Variants in MAPK9 observed in about 807,000 individuals in gnomAD.
MAPK9 encodes the protein mitogen-activated protein kinase 9, also known as Jun kinase.
A neutral mutation model predicts 57.1 loss-of-function variants in MAPK9; 30 were observed. That is an observed-to-expected ratio of 0.53 (90% CI 0.39 to 0.71). The LOEUF (loss-of-function observed/expected upper bound fraction) is 0.71. Among genes scored for constraint, MAPK9 ranks in the 30% least tolerant of loss-of-function variants. The pLI, the probability that MAPK9 is intolerant of heterozygous loss-of-function variation, is 0.00. For missense variants in MAPK9, 362 were observed against 521.0 expected (o/e 0.69, Z 2.97); for synonymous variants, 155 against 177.0 (o/e 0.88, Z 0.99).
intron 5 of MAPK9, among the ~76,000 whole-genome samples, chr5:180,257,433 C>T (rs6886915): frequency 0.49 from 74,071 of 152,158 alleles, 18,727 homozygotes; most frequent in East Asian, 0.74. Context: ...TGACCTCTTG[C>T]TGTTGGAACA....
chr5:180,239,951 T>C lies in MAPK9; in HGVS notation c.1033A>G (p.Arg345Gly). 6.2e-7 allele frequency: 1 copy of C among 1,613,788 alleles called. No homozygotes were observed. The highest frequency in any genetic ancestry group is 8.5e-7 in the Non-Finnish European group (1 of 1,179,904). The change falls in exon 10 of 12, where the codon AGA becomes GGA. Residue 345 changes from arginine to glycine, a missense_variant. Coordinates refer to ENST00000452135, the MANE Select transcript of MAPK9 (RefSeq NM_002752.5). ...PQIYDAQLEE[R>G]EHAIEEWKEL... ...TTCCATTCTTCAATTGCATGTTCTCTTTCTTCCAACTGGGCATCATAAATT... is the reference window on the plus strand; with the variant it reads ...TTCCATTCTTCAATTGCATGTTCTCCTTCTTCCAACTGGGCATCATAAATT...
At position 180,247,351 on chromosome 5, in the gene MAPK9, G is replaced by T; in HGVS notation, c.688+88C>A. On this transcript the variant is annotated intron_variant, in intron 7 of 11. Coordinates refer to ENST00000452135, the MANE Select transcript of MAPK9 (RefSeq NM_002752.5). This position sits in a 1 kb window ranked among gnomAD's most constrained non-coding sequence, Gnocchi z 4.5. ...AGTCTGGAGTGGATTTTACGACTTT[G>T]TCCTCGTGAGCGCTCGTGTAAGCAG... is the stretch of plus-strand genomic sequence containing the variant. 1 of 1,502,672 alleles carries T rather than the reference G, an allele frequency of 6.7e-7. No homozygotes were observed. Among genetic ancestry groups the T allele is most frequent in the Non-Finnish European group, 9.3e-7 (1 of 1,080,084 alleles). The allele number at this position is 1,502,672 out of a possible 1,614,324, so 93.1% of individuals were successfully genotyped here. A position where few individuals can be genotyped will look rare whatever the true frequency, so the allele number is the denominator to read the frequency against.
Position 180,262,028 on chromosome 5 carries a change from C to A in MAPK9, c.312-206G>T, listed in dbSNP as rs566064245. ...ACAAGTTAAAAATTAAAAAAAAAAACAACAACCTTTTATAGCATGGTAAAT... is the reference window on the plus strand; with the variant it reads ...ACAAGTTAAAAATTAAAAAAAAAAAAAACAACCTTTTATAGCATGGTAAAT... On this transcript the variant is annotated intron_variant, in intron 4 of 11. Coordinates refer to ENST00000452135, the MANE Select transcript of MAPK9 (RefSeq NM_002752.5). Among the ~76,000 whole-genome samples the A allele has an allele frequency of 2.2e-3, 333 of 150,492 alleles. 1 individual carries two copies. The highest frequency in any genetic ancestry group is 7.5e-3 in the African/African-American group (305 of 40,888).
At position 180,247,134 on chromosome 5, in the gene MAPK9, T is replaced by C. The variant is rs2127581013; in HGVS notation, c.688+305A>G. ...TTTTCATTTAAATATCAGAATATAC[T>C]TATCAAAGAGTAAATAATTTCTTCT... On this transcript the variant is annotated intron_variant, in intron 7 of 11. Transcript: ENST00000452135. This position sits in a 1 kb window ranked among gnomAD's most constrained non-coding sequence, Gnocchi z 4.5. 4.5e-6 allele frequency: 2 copies of C among 447,908 alleles called. No individual in the cohort carries two copies. Among genetic ancestry groups the C allele is most frequent in the East Asian group, 7.9e-5 (2 of 25,306 alleles). The allele number at this position is 447,908 out of a possible 1,614,324, so 27.7% of individuals were successfully genotyped here. A position where few individuals can be genotyped will look rare whatever the true frequency, so the allele number is the denominator to read the frequency against.
intron 1 of MAPK9, among the ~76,000 whole-genome samples, chr5:180,282,813 C>T (rs564852699): frequency 3.9e-5 from 6 of 152,314 alleles, no homozygotes; most frequent in Admixed American, 2.0e-4. Context: ...CCAGGACACT[C>T]GCCTGCCCTC....
At chr5:180,239,284 G>GCTGAGGCCAGTGAGCATTGA (rs992345680) in intron 10 of MAPK9, among the ~76,000 whole-genome samples, 1 of 152,182 alleles carries the variant, frequency 6.6e-6, no homozygotes, top group African/African-American at 2.4e-5. Flanking sequence ...GCAAGCATTC[G>GCTGAGGCCAGTGAGCATTGA]CTGAGGCCAG....
In MAPK9 at chr5:180,244,627, A is replaced by T. The variant is rs965321100; in HGVS notation, c.689-1872T>A. Among the ~76,000 whole-genome samples the T allele has an allele frequency of 8.6e-4, 131 of 152,116 alleles. 1 individual carries two copies. Among genetic ancestry groups the T allele is most frequent in the Non-Finnish European group, 9.3e-4 (63 of 67,968 alleles). On this transcript the variant is annotated intron_variant, in intron 7 of 11. Coordinates refer to ENST00000452135, the MANE Select transcript of MAPK9 (RefSeq NM_002752.5). ...TGGCCCTACTAAAAATACAAAAATTAGCCAGGCGTGGTGGCGGGCGCCTGT... is the reference window on the plus strand; with the variant it reads ...TGGCCCTACTAAAAATACAAAAATTTGCCAGGCGTGGTGGCGGGCGCCTGT...
At position 180,290,336 on chromosome 5, in the gene MAPK9, T is replaced by C. The variant is rs1272387394; in HGVS notation, c.-48+1512A>G. Among the ~76,000 whole-genome samples, 6 of 152,148 alleles carry C rather than the reference T, an allele frequency of 3.9e-5. 1 individual carries two copies. Among genetic ancestry groups the C allele is most frequent in the Non-Finnish European group, 8.8e-5 (6 of 68,024 alleles). ...GCCTCTCCCTGCCTAGCAAATTTCT[T>C]ATCACCCTCAAGGCCCCCCAGCACC... On this transcript the variant is annotated intron_variant, in intron 1 of 11. Transcript: ENST00000452135.
At chr5:180,255,855 A>C (rs1301736140) in intron 5 of MAPK9, among the ~76,000 whole-genome samples, 1 of 152,242 alleles carries the variant, frequency 6.6e-6, no homozygotes, top group Admixed American at 6.5e-5. Flanking sequence ...AATCAGCTAA[A>C]TGAACTGAAG....
intron 3 of MAPK9, among the ~76,000 whole-genome samples, chr5:180,267,389 T>C (rs938326919): frequency 2.0e-4 from 30 of 149,670 alleles, no homozygotes; most frequent in Admixed American, 3.3e-4. Context: ...GTGAAACCCC[T>C]GTCTCTACTA....
intron 8 of MAPK9, 90 bp downstream of exon 8, chr5:180,242,483 A>G: frequency 7.8e-7 from 1 of 1,288,998 alleles, no homozygotes; most frequent in South Asian, 1.5e-5. Context: ...TTTCTCTCCC[A>G]AAACACAGGT....
At chr5:180,289,409 T>G (rs569142396) in intron 1 of MAPK9, among the ~76,000 whole-genome samples, 1 of 152,176 alleles carries the variant, frequency 6.6e-6, no homozygotes, top group South Asian at 2.1e-4. Flanking sequence ...CAGGATCCTT[T>G]TGAAGAAAAA....
At chr5:180,285,519 A>G (rs1762657770) in intron 1 of MAPK9, among the ~76,000 whole-genome samples, 1 of 152,244 alleles carries the variant, frequency 6.6e-6, no homozygotes, top group Admixed American at 6.5e-5. Flanking sequence ...AAAGCTTCAG[A>G]GTACCCAGGA....
intron 5 of MAPK9, among the ~76,000 whole-genome samples, chr5:180,252,742 A>T (rs1758845448): frequency 6.6e-6 from 1 of 152,114 alleles, no homozygotes; most frequent in South Asian, 2.1e-4. Flanking sequence ...CCAGACACAG[A>T]CGGCTCAGGA....
intron 2 of MAPK9, among the ~76,000 whole-genome samples, chr5:180,274,079 A>C (rs1196361735): frequency 6.6e-6 from 1 of 152,228 alleles, no homozygotes; most frequent in Non-Finnish European, 1.5e-5. Flanking sequence ...TCTGAAAATC[A>C]GACATCCCAC....
At chr5:180,267,432 G>T (rs1031425441) in intron 3 of MAPK9, among the ~76,000 whole-genome samples, 1 of 151,604 alleles carries the variant, frequency 6.6e-6, no homozygotes, top group Non-Finnish European at 1.5e-5. Flanking sequence ...TGTGGTGGCG[G>T]GCACCTGTAG....
Position 180,274,613 on chromosome 5 carries a change from T to C in MAPK9, c.123-5204A>G, listed in dbSNP as rs377241991. On this transcript the variant is annotated intron_variant, in intron 2 of 11. Transcript: ENST00000452135. ...GACTCTGCCAACAGGCTGAAGGAGCTTGGAAGCAGATACCCTTCCAGAACC... is the reference window on the plus strand; with the variant it reads ...GACTCTGCCAACAGGCTGAAGGAGCCTGGAAGCAGATACCCTTCCAGAACC... 1.6e-3 allele frequency among the ~76,000 whole-genome samples: 248 copies of C among 152,278 alleles called. 6 individuals carry two copies. Among genetic ancestry groups the C allele is most frequent in the Non-Finnish European group, 5.6e-4 (38 of 68,012 alleles).
chr5:180,287,762 A>T (rs1762896630), intron 1 of MAPK9, among the ~76,000 whole-genome samples: 1 of 152,122 alleles, frequency 6.6e-6, no homozygotes, highest in African/African-American at 2.4e-5. Context: ...CCTTCAAACC[A>T]TGCTGGGCAT....
At chr5:180,276,896 A>AACTTATTTCC (rs2127616924) in intron 2 of MAPK9, among the ~76,000 whole-genome samples, 1 of 152,340 alleles carries the variant, frequency 6.6e-6, no homozygotes, top group South Asian at 2.1e-4. Flanking sequence ...TTATTTCCTA[A>AACTTATTTCC]TAAATTTTAC....
Sources: gnomAD v4.1 joint callset for allele counts (sites outside exome capture counted in the v4.1 genomes callset) on GRCh38, gnomAD v4.1.1 for gene constraint, Gnocchi (gnomAD v3.1) non-coding constraint, MANE v1.5 for transcripts, NCBI Gene and HGNC (gene_info 2026-07-23, HGNC 2026-07-21) for gene names.